Variants in SLC7A11 observed in about 807,000 individuals in gnomAD.
SLC7A11 encodes the protein cystine/glutamate transporter.
SLC7A11 carries 35 observed loss-of-function variants against 54.5 expected under a neutral mutation model. The ratio of observed to expected loss-of-function variants is 0.64; its 90% confidence interval spans 0.49 to 0.85. The LOEUF is 0.85. SLC7A11 is among the 40% of genes least tolerant of loss of function. The probability of loss-of-function intolerance (pLI) is 0.00; values close to 1 mark genes in which losing one functional copy is unlikely to be tolerated. For synonymous variants in SLC7A11, 230 were observed against 225.2 expected (o/e 1.02, Z -0.19); for missense variants, 583 against 618.1 (o/e 0.94, Z 0.60).
At chr4:138,234,192 A>T (rs1203796177) in intron 2 of SLC7A11, among the ~76,000 whole-genome samples, 3 of 152,158 alleles carry the variant, frequency 2.0e-5, no homozygotes, top group African/African-American at 7.2e-5. Context: ...TATAGTGGAA[A>T]CCCAATATAT....
intron 6 of SLC7A11, among the ~76,000 whole-genome samples, chr4:138,187,829 A>G (rs959412230): frequency 6.6e-6 from 1 of 152,144 alleles, no homozygotes; most frequent in Non-Finnish European, 1.5e-5. Context: ...TTTAAAAGAA[A>G]ACAGAAGCTC....
At chr4:138,217,769 T>A (rs1737714307) in intron 5 of SLC7A11, among the ~76,000 whole-genome samples, 1 of 152,198 alleles carries the variant, frequency 6.6e-6, no homozygotes, top group African/African-American at 2.4e-5. Flanking sequence ...TGTCTCCCAG[T>A]GACCCTCCCA....
At chr4:138,200,929 A>G (rs1323179341) in intron 6 of SLC7A11, among the ~76,000 whole-genome samples, 1 of 152,176 alleles carries the variant, frequency 6.6e-6, no homozygotes, top group Non-Finnish European at 1.5e-5. Flanking sequence ...CATTACTATA[A>G]TAAATCCTTT....
intron 3 of SLC7A11, 146 bp from the exon 4 acceptor site, chr4:138,223,470 GC>G: frequency 2.5e-6 from 2 of 802,612 alleles, no homozygotes; most frequent in African/African-American, 1.7e-5. Flanking sequence ...CTCAGGCTCT[GC>G]CCCAGGCCTA....
intron 11 of SLC7A11, chr4:138,177,822 A>G (rs1417996182): frequency 6.6e-6 from 1 of 152,056 alleles, no homozygotes; most frequent in East Asian, 1.9e-4. Flanking sequence ...CTGGTCACCA[A>G]GTCTTGCTGA....
rs1002098961 is a variant in SLC7A11, at chr4:138,165,529, A to T, written c.*6427T>A. The stretch of plus-strand genomic sequence containing the variant: ...ACAATGTATCTCATAGCATTAAATG[A>T]TACAGCCTTAACACATATGATGCTC... On this transcript the variant is annotated 3_prime_UTR_variant, in exon 12 of 12. Transcript: ENST00000280612. The T allele has an allele frequency of 2.6e-5, 4 of 152,392 alleles. No individual in the cohort carries two copies. The highest frequency in any genetic ancestry group is 7.2e-5 in the African/African-American group (3 of 41,450). The allele number at this position is 152,392 out of a possible 1,614,324, so 9.4% of individuals were successfully genotyped here. A position where few individuals can be genotyped will look rare whatever the true frequency, so the allele number is the denominator to read the frequency against.
chr4:138,193,406 TC>T (rs1206279534), intron 6 of SLC7A11, among the ~76,000 whole-genome samples: 6 of 152,156 alleles, frequency 3.9e-5, no homozygotes, highest in African/African-American at 1.4e-4. Flanking sequence ...AAAGATGTGT[TC>T]CAGTAGTTGA....
At chr4:138,223,043 T>C (rs749587374) in intron 4 of SLC7A11, among the ~76,000 whole-genome samples, 156 bp downstream of exon 4, 1 of 152,132 alleles carries the variant, frequency 6.6e-6, no homozygotes, top group African/African-American at 2.4e-5. Context: ...TCACTCACAA[T>C]GTAGCAGCCT....
At chr4:138,229,834 T>C (rs1738031411) in intron 3 of SLC7A11, among the ~76,000 whole-genome samples, 1 of 152,252 alleles carries the variant, frequency 6.6e-6, no homozygotes, top group Non-Finnish European at 1.5e-5. Flanking sequence ...AATGTTTACA[T>C]GCAATCTACT....
chr4:138,204,072 G>C (rs1737350792), intron 6 of SLC7A11, among the ~76,000 whole-genome samples: 2 of 151,910 alleles, frequency 1.3e-5, no homozygotes, highest in Non-Finnish European at 2.9e-5. Flanking sequence ...TACTCTTCTA[G>C]GTTCTACTCT....
chr4:138,231,856 C>T (rs1227152237), intron 3 of SLC7A11, among the ~76,000 whole-genome samples: 1 of 152,134 alleles, frequency 6.6e-6, no homozygotes, highest in African/African-American at 2.4e-5. Flanking sequence ...GCTGCTAACA[C>T]TACAAAATGT....
intron 11 of SLC7A11, among the ~76,000 whole-genome samples, chr4:138,178,959 C>T (rs1736649406): frequency 6.6e-6 from 1 of 152,102 alleles, no homozygotes; most frequent in Admixed American, 6.6e-5. Context: ...TAGAGAACTA[C>T]TGATAAAATT....
At chr4:138,237,111 G>A (rs1043904452) in intron 1 of SLC7A11, among the ~76,000 whole-genome samples, 7 of 146,666 alleles carry the variant, frequency 4.8e-5, no homozygotes, top group Admixed American at 3.5e-4. Context: ...TCAGCCTCCC[G>A]AGAAGCTGGG....
chr4:138,215,219 G>A (rs1024933719), intron 5 of SLC7A11, among the ~76,000 whole-genome samples: 1 of 151,912 alleles, frequency 6.6e-6, no homozygotes, highest in African/African-American at 2.4e-5. Flanking sequence ...CCTTTTCTAT[G>A]CTTAGAAAAT....
At chr4:138,172,851 TTTTGA>T (rs1182551414) in intron 11 of SLC7A11, among the ~76,000 whole-genome samples, 2 of 152,154 alleles carry the variant, frequency 1.3e-5, no homozygotes, top group East Asian at 3.8e-4. Flanking sequence ...TTTTGTTTTG[TTTTGA>T]TTTTTTGAGG....
At chr4:138,227,698 C>T (rs1020288373) in intron 3 of SLC7A11, among the ~76,000 whole-genome samples, 4 of 152,150 alleles carry the variant, frequency 2.6e-5, no homozygotes, top group African/African-American at 4.8e-5. Flanking sequence ...TCCCAGGCAA[C>T]AATGAGGAAG....
Position 138,179,707 on chromosome 4 carries a change from CATG to C in SLC7A11, c.1267-316_1267-314del, listed in dbSNP as rs1393112789. Among the ~76,000 whole-genome samples, 6 of 152,098 alleles carry C rather than the reference CATG, an allele frequency of 3.9e-5. 1 individual carries two copies. Among genetic ancestry groups the C allele is most frequent in the Admixed American group, 3.9e-4 (6 of 15,254 alleles). Reference sequence around the variant, plus strand: ...TGGAATTATTTTACTAGTTAAATGCCATGATGATTTATGGTTTTGATTTTAAAA... The same window carrying C: ...TGGAATTATTTTACTAGTTAAATGCCATGATTTATGGTTTTGATTTTAAAA... On this transcript the variant is annotated intron_variant, in intron 10 of 11. Coordinates refer to ENST00000280612, the MANE Select transcript of SLC7A11 (RefSeq NM_014331.4).
At chr4:138,203,385 T>G (rs186741440) in intron 6 of SLC7A11, among the ~76,000 whole-genome samples, 6 of 152,220 alleles carry the variant, frequency 3.9e-5, no homozygotes, top group Non-Finnish European at 7.4e-5. Flanking sequence ...TGAACTATAT[T>G]CTTATTTAAT....
chr4:138,227,062 A>G (rs28670077), intron 3 of SLC7A11, among the ~76,000 whole-genome samples: 2,353 of 152,306 alleles, frequency 0.015, 57 homozygotes, highest in African/African-American at 0.052. Context: ...GGGGAATGTT[A>G]AGGACTGAAG....
Sources: allele counts gnomAD v4.1 joint callset (sites outside exome capture counted in the v4.1 genomes callset), GRCh38; gene constraint gnomAD v4.1.1; transcripts MANE v1.5; gene names NCBI Gene and HGNC (gene_info 2026-07-23, HGNC 2026-07-21).